Variants in MAGI1 observed in about 807,000 individuals in gnomAD.
MAGI1 encodes the protein membrane-associated guanylate kinase, WW and PDZ domain-containing protein 1.
A neutral mutation model predicts 139.9 loss-of-function variants in MAGI1; 58 were observed. The ratio of observed to expected loss-of-function variants is 0.41; its 90% CI spans 0.34 to 0.52. The LOEUF is 0.52. Ranked by LOEUF, MAGI1 falls within the 20% of genes least tolerant of loss-of-function variation. The probability of loss-of-function intolerance (pLI) is 0.12; values close to 1 mark genes in which losing one functional copy is unlikely to be tolerated. For synonymous variants in MAGI1, 812 were observed against 737.9 expected (o/e 1.10, Z -1.63); for missense variants, 1,874 against 1,901.6 (o/e 0.99, Z 0.27).
At chr3:65,990,783 A>T (rs2066129747) in intron 1 of MAGI1, among the ~76,000 whole-genome samples, 1 of 152,296 alleles carries the variant, frequency 6.6e-6, no homozygotes, top group Middle Eastern at 3.4e-3. Context: ...TATTTTGGGA[A>T]AAATTATTTC....
At chr3:65,869,964 T>A (rs1410659444) in intron 1 of MAGI1, among the ~76,000 whole-genome samples, 1 of 152,158 alleles carries the variant, frequency 6.6e-6, no homozygotes, top group African/African-American at 2.4e-5. Flanking sequence ...ACCCTAGAAA[T>A]CGAAATCTGC....
chr3:65,897,437 G>C (rs1005098279), intron 1 of MAGI1, among the ~76,000 whole-genome samples: 1 of 151,844 alleles, frequency 6.6e-6, no homozygotes, highest in African/African-American at 2.4e-5. Context: ...TTGGACACAG[G>C]GTGGGGAACA....
At position 65,514,751 on chromosome 3, in the gene MAGI1, C is replaced by T. The variant is rs937091667; in HGVS notation, c.431-21120G>A. On this transcript the variant is annotated intron_variant, in intron 2 of 22. Coordinates refer to ENST00000402939, the MANE Select transcript of MAGI1 (RefSeq NM_001033057.2). ...TCAACCATTGTGGAAATCAGTGTGG[C>T]GATTCCTCAGGGATCTAGAATTAGA... Among the ~76,000 whole-genome samples, 13 of 130,794 alleles carry T rather than the reference C, an allele frequency of 9.9e-5. No individual in the cohort carries two copies. In the East Asian group the frequency reaches 3.3e-3, roughly 33 times the overall value. The allele number at this position is 130,794 out of a possible 152,430, so 85.8% of individuals were successfully genotyped here. A position where few individuals can be genotyped will look rare whatever the true frequency, so the allele number is the denominator to read the frequency against.
At chr3:65,448,695 CAT>C (rs1001006404) in intron 6 of MAGI1, among the ~76,000 whole-genome samples, 4 of 28,406 alleles carry the variant, frequency 1.4e-4, no homozygotes, top group African/African-American at 4.0e-4. Context: ...TGAGAAAACA[CAT>C]ACACACACAC....
intron 5 of MAGI1, among the ~76,000 whole-genome samples, chr3:65,458,940 T>C (rs896817364): frequency 8.5e-5 from 13 of 152,352 alleles, no homozygotes; most frequent in African/African-American, 2.9e-4. Context: ...TTGGAGGTCT[T>C]AGACTAAAGC....
At chr3:65,957,753 T>TTTGTTG (rs925025256) in intron 1 of MAGI1, among the ~76,000 whole-genome samples, 1 of 151,854 alleles carries the variant, frequency 6.6e-6, no homozygotes, top group African/African-American at 2.4e-5. Flanking sequence ...GTTTTAGTTC[T>TTTGTTG]TTGTTGTTGT....
chr3:65,622,147 G>A, intron 1 of MAGI1, 59 bp from the exon 2 acceptor site: 2 of 1,219,084 alleles, frequency 1.6e-6, no homozygotes, highest in Non-Finnish European at 2.4e-6. Flanking sequence ...TAGAAAAGAA[G>A]TAGCCAAGAA....
intron 1 of MAGI1, among the ~76,000 whole-genome samples, chr3:65,733,337 G>A (rs539953979): frequency 6.6e-6 from 1 of 152,310 alleles, no homozygotes; most frequent in East Asian, 1.9e-4. Flanking sequence ...TGGGATTACA[G>A]GCGTGAGCCA....
intron 1 of MAGI1, among the ~76,000 whole-genome samples, chr3:65,777,444 G>C (rs2038540702): frequency 6.6e-6 from 1 of 151,992 alleles, no homozygotes; most frequent in Non-Finnish European, 1.5e-5. Flanking sequence ...TAAAATAAAG[G>C]GACTATATTT....
chr3:65,729,470 A>G (rs1164521754), intron 1 of MAGI1, among the ~76,000 whole-genome samples: 1 of 152,208 alleles, frequency 6.6e-6, no homozygotes, highest in Non-Finnish European at 1.5e-5. Flanking sequence ...TAAAACATAT[A>G]TATTTTATAC....
chr3:65,486,017 A>C (rs768108555), intron 3 of MAGI1, among the ~76,000 whole-genome samples: 1 of 152,186 alleles, frequency 6.6e-6, no homozygotes, highest in Non-Finnish European at 1.5e-5. Flanking sequence ...AGAGTTTGCC[A>C]ACAGAGCTCA....
intron 1 of MAGI1, among the ~76,000 whole-genome samples, chr3:65,921,294 T>G (rs1225503988): frequency 6.6e-6 from 1 of 151,224 alleles, no homozygotes; most frequent in Non-Finnish European, 1.5e-5. Context: ...ATCTGTATTT[T>G]AGCAATGACG....
At chr3:65,732,550 A>C (rs1014189854) in intron 1 of MAGI1, among the ~76,000 whole-genome samples, 1 of 152,214 alleles carries the variant, frequency 6.6e-6, no homozygotes, top group African/African-American at 2.4e-5. Flanking sequence ...TACAACAGTA[A>C]AGAAGAAAGA....
chr3:65,769,515 G>A (rs889008911), intron 1 of MAGI1, among the ~76,000 whole-genome samples: 1 of 151,980 alleles, frequency 6.6e-6, no homozygotes, highest in Admixed American at 6.6e-5. Context: ...TAAAAATAAA[G>A]TTCATCAATA....
At chr3:65,730,255 G>T (rs1039753028) in intron 1 of MAGI1, among the ~76,000 whole-genome samples, 1 of 152,046 alleles carries the variant, frequency 6.6e-6, no homozygotes, top group African/African-American at 2.4e-5. Flanking sequence ...ACAAAATCTG[G>T]AAGTGATCCC....
chr3:65,920,209 A>T (rs2062109574), intron 1 of MAGI1, among the ~76,000 whole-genome samples: 1 of 152,182 alleles, frequency 6.6e-6, no homozygotes, highest in Admixed American at 6.5e-5. Context: ...CATCTATTTA[A>T]AGAGCTGGTT....
chr3:65,985,418 T>C (rs751644542), intron 1 of MAGI1, among the ~76,000 whole-genome samples: 1 of 152,124 alleles, frequency 6.6e-6, no homozygotes, highest in Non-Finnish European at 1.5e-5. Flanking sequence ...GAGTTAGAAT[T>C]AGTTGGTATA....
intron 18 of MAGI1, among the ~76,000 whole-genome samples, chr3:65,373,490 A>G (rs1284621903): frequency 2.6e-5 from 4 of 152,224 alleles, no homozygotes; most frequent in African/African-American, 7.2e-5. Context: ...CAAAGGCACA[A>G]AGTGAGCACC....
chr3:65,600,341 A>ATTTT (rs2082420153), intron 2 of MAGI1, among the ~76,000 whole-genome samples: 1 of 152,192 alleles, frequency 6.6e-6, no homozygotes, highest in Non-Finnish European at 1.5e-5. Context: ...AATAGCCGTC[A>ATTTT]TTTTGGTTAG....
Sources: gnomAD v4.1 joint callset for allele counts (sites outside exome capture counted in the v4.1 genomes callset) on GRCh38, gnomAD v4.1.1 for gene constraint, MANE v1.5 for transcripts, NCBI Gene and HGNC (gene_info 2026-07-23, HGNC 2026-07-21) for gene names.